The following CDHR2 variants were observed in gnomAD, a reference collection of about 807,000 sequenced individuals.
CDHR2 encodes the protein cadherin-related family member 2.
In CDHR2, 104 loss-of-function variants were observed where a neutral mutation model predicts 138.6. The observed-to-expected ratio is 0.75, with a 90% CI of 0.64 to 0.88. The LOEUF is 0.88. CDHR2 is among the 40% of genes least tolerant of loss of function. The pLI is 0.00. For missense variants in CDHR2, 1,624 were observed against 1,727.6 expected, an observed-to-expected ratio of 0.94 and a Z score of 1.06; for synonymous variants, 755 against 742.8, an observed-to-expected ratio of 1.02 and a Z score of -0.27.
Position 176,581,539 on chromosome 5 carries a change from A to C in CDHR2, c.2015A>C (p.Glu672Ala). ...VLTVLVSDCG[E>A]PVLGTKVNVT... is the part of the protein sequence containing the mutation. ...ACAGTGCTTGTGTCTGACTGCGGCG[A>C]GCCTGTCCTCGGCACCAAAGTCAAT... The change falls in exon 17 of 32, where the codon GAG (glutamate) becomes GCG (alanine). Residue 672 changes from glutamate (E) to alanine (A), a missense_variant. Physicochemically the swap from Glu to Ala is moderately radical, Grantham distance 107 (BLOSUM62 -1). Coordinates refer to ENST00000261944, the MANE Select transcript of CDHR2 (RefSeq NM_017675.6). 6.2e-7 allele frequency: 1 copy of C among 1,614,098 alleles called. No individual in the cohort carries two copies. The highest frequency in any genetic ancestry group is 1.1e-5 in the South Asian group (1 of 91,082).
At chr5:176,554,936 G>GCACA (rs1757788396) in intron 1 of CDHR2, among the ~76,000 whole-genome samples, 24 of 152,340 alleles carry the variant, frequency 1.6e-4, no homozygotes, top group Admixed American at 5.2e-4. Context: ...TTACAGGTGT[G>GCACA]AGCCACCACA....
intron 1 of CDHR2, among the ~76,000 whole-genome samples, chr5:176,559,368 C>A (rs567664368): frequency 1.4e-4 from 21 of 152,284 alleles, no homozygotes; most frequent in African/African-American, 5.1e-4. Flanking sequence ...GATTCTGGGT[C>A]CTTTGTATGT....
At chr5:176,548,074 C>T (rs1050554859), upstream of CDHR2, among the ~76,000 whole-genome samples, 1 of 152,160 alleles carries the variant, frequency 6.6e-6, no homozygotes, top group Non-Finnish European at 1.5e-5. Flanking sequence ...GGGCTGCTAA[C>T]CTATGCAGCC....
At chr5:176,577,909 A>C in intron 14 of CDHR2, 111 bp downstream of exon 14, 1 of 1,477,680 alleles carries the variant, frequency 6.8e-7, no homozygotes, top group Non-Finnish European at 9.3e-7. Flanking sequence ...CCATGAGTGA[A>C]TCTGAGTGTG....
At chr5:176,581,246 C>T (rs532763222) in intron 16 of CDHR2, 97 bp from the exon 17 acceptor site, 23 of 1,496,638 alleles carry the variant, frequency 1.5e-5, no homozygotes, top group Middle Eastern at 1.9e-4. Context: ...TGACTGCCTG[C>T]GTGGGCCAGC....
intron 5 of CDHR2, 150 bp downstream of exon 5, chr5:176,569,160 A>T (rs1407147391): frequency 2.0e-6 from 1 of 509,862 alleles, no homozygotes; most frequent in Middle Eastern, 4.3e-4. Flanking sequence ...TCTTTGTCAT[A>T]TGACATTACC....
intron 5 of CDHR2, among the ~76,000 whole-genome samples, chr5:176,569,838 T>C (rs1276137082): frequency 6.6e-6 from 1 of 152,018 alleles, no homozygotes; most frequent in Non-Finnish European, 1.5e-5. Flanking sequence ...TACACGCTTG[T>C]AATTCCAACT....
intron 16 of CDHR2, among the ~76,000 whole-genome samples, chr5:176,580,565 G>GAAAACAAAAC (rs974281256): frequency 6.6e-6 from 1 of 150,416 alleles, no homozygotes. Context: ...AGAAAAAAAA[G>GAAAACAAAAC]AAAACAAAAC....
In CDHR2 at chr5:176,589,539, G is replaced by A. The variant is rs1369401033; in HGVS notation, c.3129G>A (p.Val1043=). 2 of 1,613,924 alleles carry A rather than the reference G, an allele frequency of 1.2e-6. No homozygotes were observed. The highest frequency in any genetic ancestry group is 1.7e-6 in the Non-Finnish European group (2 of 1,180,030). Residue 1043 remains valine, a synonymous_variant, in exon 24 of 32, where the codon GTG becomes GTA. Transcript: ENST00000261944. ...EATTTLNLFT[V]DQSYRSRLQF... ...CACCCCCTTCCCAGCTCTTCACCGT[G>A]GACCAGAGTTACCGCTCGCGGCTGC...
chr5:176,573,891 G>T (rs1278598540), intron 6 of CDHR2, among the ~76,000 whole-genome samples, 192 bp from the exon 7 acceptor site: 1 of 152,070 alleles, frequency 6.6e-6, no homozygotes, highest in African/African-American at 2.4e-5. Flanking sequence ...TGTGTGGGGA[G>T]GGGAGGAGGG....
upstream of CDHR2, among the ~76,000 whole-genome samples, chr5:176,545,203 C>T (rs1490385996): frequency 6.6e-6 from 1 of 152,082 alleles, no homozygotes; most frequent in East Asian, 1.9e-4. Context: ...GCAATCTCCC[C>T]CCACCCCACC....
At chr5:176,571,354 C>A in intron 6 of CDHR2, 52 bp downstream of exon 6, 1 of 1,355,252 alleles carries the variant, frequency 7.4e-7, no homozygotes, top group Non-Finnish European at 1.0e-6. Flanking sequence ...CAAAGTGCTT[C>A]TCAGAGTAGG....
At chr5:176,544,680 C>T (rs1029562309), upstream of CDHR2, among the ~76,000 whole-genome samples, 12 of 152,192 alleles carry the variant, frequency 7.9e-5, no homozygotes, top group African/African-American at 2.2e-4. Flanking sequence ...CATGGTGATC[C>T]GCCCGCCTCG....
At position 176,575,764 on chromosome 5, in the gene CDHR2, G is replaced by C; in HGVS notation, c.885G>C (p.Gly295=). ...GCTGGTTTGACATCGGGGCAGATGG[G>C]GTGATCAGGGTCAACGGCTCCCTGG... ...RPGWFDIGAD[G]VIRVNGSLDR... Residue 295 remains glycine (G), a synonymous_variant, in exon 11 of 32, where the codon GGG becomes GGC. Transcript: ENST00000261944. The C allele has an allele frequency of 6.4e-7, 1 of 1,567,638 alleles. No individual in the cohort carries two copies. Among genetic ancestry groups the C allele is most frequent in the Non-Finnish European group, 8.7e-7 (1 of 1,155,478 alleles).
rs746592572 is a variant in CDHR2, at chr5:176,584,647, A to G, written c.2366A>G (p.Glu789Gly). The G allele has an allele frequency of 6.2e-7, 1 of 1,612,682 alleles. No individual in the cohort carries two copies. Among genetic ancestry groups the G allele is most frequent in the Non-Finnish European group, 8.5e-7 (1 of 1,178,902 alleles). The change falls in exon 19 of 32, where the codon GAG becomes GGG. Residue 789 changes from glutamate (E) to glycine (G), a missense_variant. By Grantham distance (98) the Glu-to-Gly change is moderately conservative (BLOSUM62 -2). Transcript: ENST00000261944. The part of the protein sequence containing the change: ...SAENPDPQGG[E>G]TIVDVCVNVK... ...GAGAACCCAGACCCCCAGGGGGGTG[A>G]GACCATAGTAGACGTCTGCGTGAAT...
At chr5:176,562,490 C>T (rs1757988362) in intron 1 of CDHR2, among the ~76,000 whole-genome samples, 3 of 152,024 alleles carry the variant, frequency 2.0e-5, no homozygotes, top group African/African-American at 7.2e-5. Context: ...GATGCTGTTT[C>T]ATCATCAGGG....
intron 1 of CDHR2, among the ~76,000 whole-genome samples, chr5:176,552,154 C>G (rs1757720831): frequency 6.6e-6 from 1 of 152,208 alleles, no homozygotes; most frequent in Non-Finnish European, 1.5e-5. Context: ...CAAGTCCCAG[C>G]CCAGGGGCAA....
Position 176,578,381 on chromosome 5 carries a change from G to A in CDHR2, c.1591G>A (p.Val531Met), listed in dbSNP as rs1758450016. The A allele has an allele frequency of 6.2e-7, 1 of 1,613,314 alleles. No individual in the cohort carries two copies. The highest frequency in any genetic ancestry group is 8.5e-7 in the Non-Finnish European group (1 of 1,179,718). The change falls in exon 16 of 32, where the codon GTG becomes ATG. Residue 531 changes from valine (V) to methionine (M), a missense_variant. Around this residue, in one of 3 missense-constraint regions of CDHR2, gnomAD observed 1,061 missense variants for 1,136.6 expected, o/e 0.93. Coordinates refer to ENST00000261944, the MANE Select transcript of CDHR2 (RefSeq NM_017675.6). Reference sequence around the variant, plus strand: ...TCTGAGCAGGGCAGACCTCTTCCAAGTGGATCCCGTCTCAGGGACGGTGAC... The same window carrying A: ...TCTGAGCAGGGCAGACCTCTTCCAAATGGATCCCGTCTCAGGGACGGTGAC... The part of the protein sequence containing the change: ...LPGNGADLFQ[V>M]DPVSGTVTVR...
chr5:176,581,500 G>T lies in CDHR2; in HGVS notation c.1976G>T (p.Gly659Val), dbSNP rs1198238597. The change falls in exon 17 of 32, where the codon GGC becomes GTC. Residue 659 changes from glycine to valine, a missense_variant. By Grantham distance (109) the Gly-to-Val change is moderately radical. Around this residue, in one of 3 missense-constraint regions of CDHR2, gnomAD observed 1,061 missense variants for 1,136.6 expected, o/e 0.93. Coordinates refer to ENST00000261944, the MANE Select transcript of CDHR2 (RefSeq NM_017675.6). ...DREAIDPALEGRIVLTVLVSD... is the reference protein window; with the variant it reads ...DREAIDPALEVRIVLTVLVSD... ...GAGGCCATCGACCCCGCCCTGGAGG[G>T]CCGCATTGTGCTGACAGTGCTTGTG... is the stretch of plus-strand genomic sequence containing the variant. 2 of 1,614,132 alleles carry T rather than the reference G, an allele frequency of 1.2e-6. No homozygotes were observed. The highest frequency in any genetic ancestry group is 2.2e-5 in the South Asian group (2 of 91,082).
Sources: allele counts gnomAD v4.1 joint callset (sites outside exome capture counted in the v4.1 genomes callset), GRCh38; gene constraint gnomAD v4.1.1; regional missense constraint gnomAD v4.1.1; transcripts MANE v1.5; gene names NCBI Gene and HGNC (gene_info 2026-07-23, HGNC 2026-07-21).